Variants in FRMPD4 observed in about 807,000 individuals in gnomAD.
FRMPD4 encodes FERM and PDZ domain containing 4.
A neutral mutation model predicts 94.1 loss-of-function variants in FRMPD4; 22 were observed. The observed-to-expected ratio is 0.23, with a 90% CI of 0.17 to 0.33. The LOEUF is 0.33. Ranked by LOEUF, FRMPD4 falls within the 10% of genes least tolerant of loss-of-function variation. FRMPD4 has a pLI of 1.00. For missense variants in FRMPD4, 1,111 were observed against 1,339.9 expected (o/e 0.83, Z 2.67); for synonymous variants, 631 against 548.6 (o/e 1.15, Z -2.10).
rs1000704940 is a variant in FRMPD4 at position 12,076,375 on chromosome X, G to A, written c.95+198357G>A. On this transcript the variant is annotated intron_variant, in intron 3 of 18. Transcript: ENST00000640291. ...GTGTGTGTATGTGTGTGTGTGTGTG[G>A]AGAGAGAGAGAGAGCGAGCGAGCAT... 5.8e-5 allele frequency among the ~76,000 whole-genome samples: 6 copies of A among 102,739 alleles called. No individual in the cohort carries two copies. In the East Asian group the frequency reaches 1.2e-3, roughly 20 times the overall value. 89.2% of individuals were successfully genotyped at this position (102,739 alleles called of 115,157 possible).
At chrX:12,492,276 A>G (rs1398091500) in intron 1 of FRMPD4, among the ~76,000 whole-genome samples, 1 of 111,533 alleles carries the variant, frequency 9.0e-6, no homozygotes, top group African/African-American at 3.3e-5. Flanking sequence ...AGACCAGTTA[A>G]CCCAGATTTA....
chrX:12,138,050 C>T (rs1452945273), upstream of FRMPD4, among the ~76,000 whole-genome samples: 5 of 111,861 alleles, frequency 4.5e-5, no homozygotes, highest in Admixed American at 9.4e-5. Flanking sequence ...GGCAGACACT[C>T]CCGCGGTGCT....
intron 11 of FRMPD4, 137 bp from the exon 12 acceptor site, chrX:12,706,689 T>C (rs1447648962): frequency 2.5e-6 from 1 of 394,232 alleles, no homozygotes; most frequent in Non-Finnish European, 4.5e-6. Flanking sequence ...TTATTCCTAA[T>C]GAATAGTCTT....
intron 3 of FRMPD4, among the ~76,000 whole-genome samples, chrX:12,054,334 G>A (rs900230649): frequency 1.8e-5 from 2 of 111,198 alleles, no homozygotes; most frequent in African/African-American, 3.3e-5. Flanking sequence ...TGGTTTAAAG[G>A]ACAAGCAGGT....
At chrX:12,284,066 A>G (rs2054564700) in intron 1 of FRMPD4, among the ~76,000 whole-genome samples, 1 of 111,668 alleles carries the variant, frequency 9.0e-6, no homozygotes, top group South Asian at 3.8e-4. Context: ...TTTATTTAGC[A>G]CTTCTCTCAT....
In FRMPD4 at chrX:11,875,666, T is replaced by A. The variant is rs186881718; in HGVS notation, c.-29-2229T>A. ...AACACCATTCTGCTTTGTTGAAAAC[T>A]CTTTTCTTCCTTCTTATCCCAAAGG... On this transcript the variant is annotated intron_variant, in intron 2 of 18. Transcript: ENST00000640291. Among the ~76,000 whole-genome samples the A allele has an allele frequency of 2.7e-3, 300 of 110,854 alleles. 1 individual carries two copies. The highest frequency in any genetic ancestry group is 4.8e-3 in the Non-Finnish European group (256 of 52,973).
At chrX:12,377,077 G>T (rs1428683973) in intron 1 of FRMPD4, among the ~76,000 whole-genome samples, 2 of 111,925 alleles carry the variant, frequency 1.8e-5, no homozygotes, top group African/African-American at 6.5e-5. Context: ...AAACTCACAG[G>T]TTGTGAAATA....
chrX:11,825,190 T>TTG (rs747320680), intron 1 of FRMPD4, among the ~76,000 whole-genome samples: 6,836 of 80,014 alleles, frequency 0.085, 268 homozygotes, highest in East Asian at 0.11. Context: ...TGTGTCTTCT[T>TTG]TGTGTGTGTG....
intron 3 of FRMPD4, among the ~76,000 whole-genome samples, chrX:12,053,746 T>G (rs995763131): frequency 8.9e-6 from 1 of 111,924 alleles, no homozygotes; most frequent in Non-Finnish European, 1.9e-5. Context: ...AAAAATATAT[T>G]TTCCTCACCT....
intron 1 of FRMPD4, among the ~76,000 whole-genome samples, chrX:12,330,626 G>T (rs1209185606): frequency 9.0e-6 from 1 of 111,585 alleles, no homozygotes; most frequent in Non-Finnish European, 1.9e-5. Context: ...TTCCCTAGTG[G>T]TCGGTGGACT....
rs181275480 is a variant in FRMPD4, at chrX:12,647,289, A to T, written c.423-27574A>T. ...CCAGAGACTAGAGATGTGAGACCAAAAAGGAAGACAACCAATAAAATGTAA... is the reference window on the plus strand; with the variant it reads ...CCAGAGACTAGAGATGTGAGACCAATAAGGAAGACAACCAATAAAATGTAA... On this transcript the variant is annotated intron_variant, in intron 4 of 16. Coordinates refer to ENST00000675598, the MANE Select transcript of FRMPD4 (RefSeq NM_001368397.1). Among the ~76,000 whole-genome samples, 62 of 112,315 alleles carry T rather than the reference A, an allele frequency of 5.5e-4. 1 individual carries two copies. In the Admixed American group the frequency reaches 5.7e-3, roughly 10 times the overall value.
intron 1 of FRMPD4, among the ~76,000 whole-genome samples, chrX:11,825,599 T>C (rs1344233854): frequency 9.0e-6 from 1 of 111,298 alleles, no homozygotes; most frequent in Non-Finnish European, 1.9e-5. Context: ...TGTATCCTGA[T>C]AGTGGTGGTT....
At chrX:12,137,718 C>G (rs753065363), upstream of FRMPD4, among the ~76,000 whole-genome samples, 1 of 112,368 alleles carries the variant, frequency 8.9e-6, no homozygotes, top group East Asian at 2.8e-4. Context: ...AAAGAGAAGG[C>G]TAGGAGGAGT....
At chrX:12,502,748 C>T (rs760143475) in intron 2 of FRMPD4, among the ~76,000 whole-genome samples, 1 of 111,574 alleles carries the variant, frequency 9.0e-6, no homozygotes, top group East Asian at 2.8e-4. Context: ...GGTATAGATA[C>T]ATAGATGGAT....
intron 2 of FRMPD4, among the ~76,000 whole-genome samples, chrX:12,573,379 A>C (rs1025179808): frequency 1.8e-5 from 2 of 112,305 alleles, no homozygotes; most frequent in African/African-American, 6.5e-5. Context: ...AAACTCTCAG[A>C]ACAAAATGAA....
intron 3 of FRMPD4, among the ~76,000 whole-genome samples, chrX:12,026,912 G>A (rs1039865312): frequency 1.8e-5 from 2 of 112,210 alleles, no homozygotes; most frequent in Non-Finnish European, 3.8e-5. Flanking sequence ...AACTGATCAC[G>A]TCATGTTTTT....
intron 1 of FRMPD4, among the ~76,000 whole-genome samples, chrX:12,185,785 A>G (rs1400124887): frequency 1.8e-5 from 2 of 111,797 alleles, no homozygotes; most frequent in Non-Finnish European, 1.9e-5. Flanking sequence ...TTCATCAAAT[A>G]TCATTGTAAC....
chrX:12,556,133 G>T (rs1011896404), intron 2 of FRMPD4, among the ~76,000 whole-genome samples: 2 of 110,361 alleles, frequency 1.8e-5, no homozygotes, highest in African/African-American at 6.6e-5. Flanking sequence ...AGGCACCCAG[G>T]ATCCTTGATC....
intron 9 of FRMPD4, among the ~76,000 whole-genome samples, chrX:12,699,612 T>C (rs1769676526): frequency 8.9e-6 from 1 of 112,391 alleles, no homozygotes; most frequent in Non-Finnish European, 1.9e-5. Flanking sequence ...GAAGCGGTTA[T>C]AAATGTGCTT....
Sources: gnomAD v4.1 joint callset for allele counts (sites outside exome capture counted in the v4.1 genomes callset) on GRCh38, gnomAD v4.1.1 for gene constraint, MANE v1.5 for transcripts, NCBI Gene and HGNC (gene_info 2026-07-23, HGNC 2026-07-21) for gene names.